LOC400499: variants seen among roughly 807,000 people sequenced by gnomAD.
chr16:11,386,716 G>C, the LOC400499 span, among the ~76,000 whole-genome samples: 1 of 152,204 alleles, frequency 6.6e-6, no homozygotes, highest in Non-Finnish European at 1.5e-5. Context: ...GAGTCCCACA[G>C]AGGTTAGACT....
the LOC400499 span, chr16:11,391,669 C>T: frequency 8.1e-6 from 10 of 1,232,154 alleles, no homozygotes; most frequent in Non-Finnish European, 1.0e-5. Context: ...CACTTACATT[C>T]CAGCTCCTCC....
the LOC400499 span, among the ~76,000 whole-genome samples, chr16:11,426,637 T>C: frequency 6.6e-6 from 1 of 150,694 alleles, no homozygotes. Flanking sequence ...GGCATAAAAA[T>C]ATCAGGCCAG....
At chr16:11,461,037 A>C in the LOC400499 span, 1 of 1,536,002 alleles carries the variant, frequency 6.5e-7, no homozygotes, top group South Asian at 1.2e-5. Context: ...CAAGGGCACG[A>C]AGCCCCACCA....
chr16:11,447,918 G>A, the LOC400499 span: 2 of 1,531,670 alleles, frequency 1.3e-6, no homozygotes, highest in East Asian at 4.9e-5. Flanking sequence ...CAGCTGAGCA[G>A]AAGGGGCGCA....
the LOC400499 span, among the ~76,000 whole-genome samples, chr16:11,379,647 C>G: frequency 6.6e-6 from 1 of 152,234 alleles, no homozygotes; most frequent in Admixed American, 6.5e-5. Flanking sequence ...GGGGAGACTC[C>G]AGCACATTAC....
chr16:11,493,798 T>A, the LOC400499 span: 1 of 373,618 alleles, frequency 2.7e-6, no homozygotes, highest in Non-Finnish European at 4.6e-6. Flanking sequence ...AAGCTGGAGC[T>A]AAATCGAGAT....
the LOC400499 span, among the ~76,000 whole-genome samples, chr16:11,375,892 G>C: frequency 3.3e-5 from 5 of 152,050 alleles, no homozygotes; most frequent in African/African-American, 7.2e-5. Context: ...ACCATGCCCA[G>C]CTAATTTTGT....
At chr16:11,428,934 G>A in the LOC400499 span, among the ~76,000 whole-genome samples, 1 of 152,170 alleles carries the variant, frequency 6.6e-6, no homozygotes, top group Non-Finnish European at 1.5e-5. Context: ...ATGGGAAATG[G>A]GAGGGGGAGG....
the LOC400499 span, among the ~76,000 whole-genome samples, chr16:11,495,070 A>C: frequency 6.6e-6 from 1 of 152,044 alleles, no homozygotes; most frequent in Admixed American, 6.6e-5. Flanking sequence ...TTAGCCGAGC[A>C]TGGTGGTGTG....
At chr16:11,520,325 A>C in the LOC400499 span, among the ~76,000 whole-genome samples, 1 of 152,228 alleles carries the variant, frequency 6.6e-6, no homozygotes, top group Non-Finnish European at 1.5e-5. Context: ...ATTAGAGAGA[A>C]GTTCAAAGAC....
chr16:11,433,789 G>A, the LOC400499 span, among the ~76,000 whole-genome samples: 2 of 152,222 alleles, frequency 1.3e-5, no homozygotes, highest in African/African-American at 4.8e-5. Context: ...GAGAGCTTCT[G>A]GGCTGAACAC....
At chr16:11,453,335 G>C in the LOC400499 span, among the ~76,000 whole-genome samples, 1 of 152,120 alleles carries the variant, frequency 6.6e-6, no homozygotes, top group Non-Finnish European at 1.5e-5. Context: ...TTTGAAAACA[G>C]GGTAACCAAT....
chr16:11,527,311 G>A, the LOC400499 span, among the ~76,000 whole-genome samples: 5 of 152,130 alleles, frequency 3.3e-5, no homozygotes, highest in Non-Finnish European at 7.4e-5. Context: ...TAGAAGGGGA[G>A]GTGGGGGGCA....
chr16:11,456,400 T>C, the LOC400499 span, among the ~76,000 whole-genome samples: 45 of 151,958 alleles, frequency 3.0e-4, no homozygotes, highest in African/African-American at 1.1e-3. Flanking sequence ...CACAAAGATC[T>C]GCAAATGCAA....
At chr16:11,429,819 A>T in the LOC400499 span, among the ~76,000 whole-genome samples, 1 of 152,048 alleles carries the variant, frequency 6.6e-6, no homozygotes, top group Admixed American at 6.6e-5. Flanking sequence ...AAAAATCCCC[A>T]TTTGGCAATC....
At chr16:11,483,949 C>T in the LOC400499 span, among the ~76,000 whole-genome samples, 1 of 146,990 alleles carries the variant, frequency 6.8e-6, no homozygotes, top group African/African-American at 2.5e-5. Flanking sequence ...TGACAGAAAG[C>T]CTCTCACTAG....
chr16:11,495,142 G>A, the LOC400499 span, among the ~76,000 whole-genome samples: 1 of 151,818 alleles, frequency 6.6e-6, no homozygotes, highest in Non-Finnish European at 1.5e-5. Context: ...CCGGGAAGCA[G>A]AGGCTGCAGT....
the LOC400499 span, among the ~76,000 whole-genome samples, chr16:11,524,463 T>C: frequency 1.3e-5 from 2 of 149,408 alleles, no homozygotes; most frequent in African/African-American, 2.5e-5. Context: ...GCACTCTGGC[T>C]CCAGAGTCCC....
chr16:11,425,081 A>G, the LOC400499 span: 2 of 398,766 alleles, frequency 5.0e-6, no homozygotes, highest in Non-Finnish European at 8.8e-6. Flanking sequence ...TCCAGGACTT[A>G]GAAGTCTTGG....
Sources: allele counts gnomAD v4.1 joint callset (sites outside exome capture counted in the v4.1 genomes callset), GRCh38; gene constraint gnomAD v4.1.1; transcripts MANE v1.5.